Variants in ACTR3C observed in about 807,000 individuals in gnomAD.
The protein encoded by ACTR3C is actin-related protein 3C.
A neutral mutation model predicts 26.3 loss-of-function variants in ACTR3C; 18 were observed. The ratio of observed to expected loss-of-function variants is 0.68; its 90% CI spans 0.47 to 1.01. ACTR3C has a LOEUF of 1.01. Among genes scored for constraint, ACTR3C ranks in the 50% least tolerant of loss-of-function variants. The probability of loss-of-function intolerance (pLI) is 0.00; values close to 1 mark genes in which losing one functional copy is unlikely to be tolerated. For missense variants in ACTR3C, 184 were observed against 250.7 expected, an observed-to-expected ratio of 0.73 and a Z score of 1.80; for synonymous variants, 55 against 94.5, an observed-to-expected ratio of 0.58 and a Z score of 2.42.
chr7:149,945,636 G>T, the ACTR3C span, among the ~76,000 whole-genome samples: 1 of 152,102 alleles, frequency 6.6e-6, no homozygotes, highest in African/African-American at 2.4e-5. Flanking sequence ...CTGGATGGAT[G>T]GGGGAGGCCT....
At chr7:150,284,263 G>A (rs1835579180) in intron 6 of ACTR3C, among the ~76,000 whole-genome samples, 1 of 152,122 alleles carries the variant, frequency 6.6e-6, no homozygotes, top group African/African-American at 2.4e-5. Flanking sequence ...CCAGTTGGCC[G>A]GGCATGGTGG....
chr7:150,171,881 G>A, the ACTR3C span, among the ~76,000 whole-genome samples: 1 of 150,622 alleles, frequency 6.6e-6, no homozygotes, highest in Non-Finnish European at 1.5e-5. Flanking sequence ...GCGCAATCCC[G>A]GCTCACTGCA....
chr7:150,323,423 G>A (rs1797774709), intron 1 of ACTR3C, 46 bp downstream of exon 1: 1 of 330,416 alleles, frequency 3.0e-6, no homozygotes, highest in South Asian at 2.2e-5. Flanking sequence ...CGCGGCCCAG[G>A]GGTCAGGGGC....
At chr7:150,032,842 G>A in the ACTR3C span, among the ~76,000 whole-genome samples, 1 of 152,012 alleles carries the variant, frequency 6.6e-6, no homozygotes, top group African/African-American at 2.4e-5. Flanking sequence ...ATCACTGAGA[G>A]CTGAAAGAAA....
At chr7:150,140,910 A>T in the ACTR3C span, among the ~76,000 whole-genome samples, 1 of 152,232 alleles carries the variant, frequency 6.6e-6, no homozygotes, top group Non-Finnish European at 1.5e-5. Context: ...TAAAAGTGCT[A>T]CTCCAGTGAA....
the ACTR3C span, among the ~76,000 whole-genome samples, chr7:150,162,977 C>A: frequency 3.3e-5 from 5 of 151,930 alleles, no homozygotes; most frequent in African/African-American, 1.2e-4. Context: ...CATGGTGAAA[C>A]CTCATCTCTA....
At chr7:150,033,738 T>A in the ACTR3C span, among the ~76,000 whole-genome samples, 1 of 144,644 alleles carries the variant, frequency 6.9e-6, no homozygotes, top group Admixed American at 6.9e-5. Flanking sequence ...GGGATAGCTC[T>A]CAGTCCCCAC....
At chr7:150,214,126 A>G in the ACTR3C span, among the ~76,000 whole-genome samples, 1 of 152,118 alleles carries the variant, frequency 6.6e-6, no homozygotes, top group Non-Finnish European at 1.5e-5. Context: ...GAGAAACAAA[A>G]CAGAATGCAG....
chr7:149,999,239 A>G, the ACTR3C span, among the ~76,000 whole-genome samples: 1 of 150,888 alleles, frequency 6.6e-6, no homozygotes, highest in Non-Finnish European at 1.5e-5. Flanking sequence ...CCTGTATTTT[A>G]AATACATAAT....
the ACTR3C span, among the ~76,000 whole-genome samples, chr7:150,034,809 C>A: frequency 0.3 from 43,483 of 144,792 alleles, 5,069 homozygotes; most frequent in African/African-American, 0.38. Flanking sequence ...CAGTCCCCGC[C>A]TCGTGGGGGG....
At chr7:150,166,891 A>G in the ACTR3C span, among the ~76,000 whole-genome samples, 1 of 150,462 alleles carries the variant, frequency 6.6e-6, no homozygotes, top group Non-Finnish European at 1.5e-5. Context: ...AATATGAGTG[A>G]GATCATACAA....
At chr7:150,312,984 C>A (rs1382216636) in intron 1 of ACTR3C, among the ~76,000 whole-genome samples, 1 of 152,178 alleles carries the variant, frequency 6.6e-6, no homozygotes, top group African/African-American at 2.4e-5. Context: ...GACATTCCAC[C>A]ATTATGACTT....
the ACTR3C span, among the ~76,000 whole-genome samples, chr7:150,196,809 A>G: frequency 8.5e-5 from 13 of 152,204 alleles, no homozygotes; most frequent in African/African-American, 3.1e-4. Flanking sequence ...CCTCAGATTT[A>G]TCAGTACCTT....
chr7:150,099,662 A>G, the ACTR3C span, among the ~76,000 whole-genome samples: 1 of 151,638 alleles, frequency 6.6e-6, no homozygotes, highest in Non-Finnish European at 1.5e-5. Context: ...ATCAGTGTCC[A>G]AGAAGGAAAC....
At chr7:150,087,196 A>G in the ACTR3C span, among the ~76,000 whole-genome samples, 1 of 151,066 alleles carries the variant, frequency 6.6e-6, no homozygotes, top group South Asian at 2.1e-4. Flanking sequence ...AAAAAAAAAA[A>G]AAAAAAAAGA....
chr7:150,017,956 G>C, the ACTR3C span, among the ~76,000 whole-genome samples: 1 of 150,270 alleles, frequency 6.7e-6, no homozygotes, highest in South Asian at 2.1e-4. Context: ...GCAAGCAAAG[G>C]CCACCTGATG....
At chr7:150,070,077 C>T in the ACTR3C span, among the ~76,000 whole-genome samples, 1 of 152,220 alleles carries the variant, frequency 6.6e-6, no homozygotes, top group Admixed American at 6.5e-5. Flanking sequence ...ATGCGCTCAC[C>T]TCAGCCAGGG....
chr7:150,135,968 T>C, the ACTR3C span, among the ~76,000 whole-genome samples: 50,438 of 151,734 alleles, frequency 0.33, 11,586 homozygotes, highest in African/African-American at 0.65. Context: ...TACAGATTCT[T>C]GCCAGGCATC....
chr7:150,127,768 T>TTCATAGAGGA, the ACTR3C span, among the ~76,000 whole-genome samples: 1 of 151,854 alleles, frequency 6.6e-6, no homozygotes, highest in South Asian at 2.1e-4. Context: ...CTCTATGAAC[T>TTCATAGAGGA]AATTCAAACC....
Sources: allele counts gnomAD v4.1 joint callset (sites outside exome capture counted in the v4.1 genomes callset), GRCh38; gene constraint gnomAD v4.1.1; transcripts MANE v1.5; gene names NCBI Gene and HGNC (gene_info 2026-07-23, HGNC 2026-07-21).